KCNU1: variants seen among roughly 807,000 people sequenced by gnomAD.
The protein encoded by KCNU1 is potassium calcium-activated channel subfamily U member 1, also known as potassium channel subfamily U member 1.
In KCNU1, 93 loss-of-function variants were observed where a neutral mutation model predicts 126.8. The observed-to-expected ratio is 0.73, with a 90% CI of 0.62 to 0.87. The LOEUF (loss-of-function observed/expected upper bound fraction) is 0.87. Ranked by LOEUF, KCNU1 falls within the 40% of genes least tolerant of loss-of-function variation. The pLI, the probability that KCNU1 is intolerant of heterozygous loss-of-function variation, is 0.00. For synonymous variants in KCNU1, 523 were observed against 494.2 expected, an observed-to-expected ratio of 1.06 and a Z score of -0.77; for missense variants, 1,330 against 1,367.1, an observed-to-expected ratio of 0.97 and a Z score of 0.43.
chr8:36,796,430 A>G (rs1803102982), intron 2 of KCNU1, among the ~76,000 whole-genome samples: 1 of 152,202 alleles, frequency 6.6e-6, no homozygotes, highest in Admixed American at 6.5e-5. Context: ...TATTTGCTGA[A>G]TGATTGAAAG....
chr8:36,851,399 C>CTCTT (rs1417737586), intron 18 of KCNU1, among the ~76,000 whole-genome samples: 1 of 151,942 alleles, frequency 6.6e-6, no homozygotes, highest in African/African-American at 2.4e-5. Flanking sequence ...CTCTCTCTCT[C>CTCTT]TCTCTCTCTC....
chr8:36,801,459 C>T (rs1298220505), intron 2 of KCNU1, among the ~76,000 whole-genome samples: 1 of 151,096 alleles, frequency 6.6e-6, no homozygotes, highest in East Asian at 2.0e-4. Context: ...AATGTACTTA[C>T]ATGTTTCTGT....
intron 11 of KCNU1, among the ~76,000 whole-genome samples, chr8:36,834,345 T>C (rs1176984868): frequency 6.6e-6 from 1 of 152,204 alleles, no homozygotes; most frequent in East Asian, 1.9e-4. Flanking sequence ...TCTAGAACTT[T>C]GAAATTCACA....
In KCNU1 at chr8:36,859,888, A is replaced by G. The variant is rs80007813; in HGVS notation, c.1892-4516A>G. The stretch of plus-strand genomic sequence containing the variant: ...TACATAAAGAATATATAAATTGGTT[A>G]TATTAATATAAAAAGCATTAAGCCT... On this transcript the variant is annotated intron_variant, in intron 18 of 26. Transcript: ENST00000399881. Among the ~76,000 whole-genome samples the G allele has an allele frequency of 1.6e-3, 240 of 152,342 alleles. 3 individuals carry two copies. In the East Asian group the frequency reaches 0.034, roughly 22 times the overall value.
chr8:36,935,716 T>A lies in KCNU1; in HGVS notation c.3246T>A (p.Thr1082=), dbSNP rs373849614. The A allele has an allele frequency of 6.2e-6, 10 of 1,613,062 alleles. No homozygotes were observed. The highest frequency in any genetic ancestry group is 8.5e-6 in the Non-Finnish European group (10 of 1,179,136). ...GTCCTCCCACCATTGATTCAGTTAC[T>A]GAGACATTGTATTCACCAGTCTATT... The part of the protein sequence containing the change: ...TNCPPTIDSV[T]ETLYSPVYSY... Residue 1082 remains threonine, a synonymous_variant, in exon 27 of 27, where the codon ACT becomes ACA. Transcript: ENST00000399881.
At chr8:36,803,475 C>CACTG (rs1314579152) in intron 2 of KCNU1, among the ~76,000 whole-genome samples, 1 of 150,592 alleles carries the variant, frequency 6.6e-6, no homozygotes, top group Non-Finnish European at 1.5e-5. Flanking sequence ...TTTACAGAGG[C>CACTG]ACTGGCATGG....
intron 18 of KCNU1, among the ~76,000 whole-genome samples, chr8:36,846,222 T>C (rs1805139593): frequency 6.6e-6 from 1 of 152,242 alleles, no homozygotes. Context: ...CATTGCTTTT[T>C]CATGATTTCA....
Position 36,833,557 on chromosome 8 carries a change from C to A in KCNU1, c.1110C>A (p.Thr370=). The change falls in exon 11 of 27, where the codon ACC becomes ACA. Residue 370 remains threonine (T), a synonymous_variant. Coordinates refer to ENST00000399881, the MANE Select transcript of KCNU1 (RefSeq NM_001031836.3). The part of the protein sequence containing the change: ...INTEIVFLGE[T]PPSLELETIF... ...TGCCACGTTCTTTTTTGTCCAGAAC[C>A]CCTCCTTCTTTGGAACTTGAAACCA... 6.3e-7 allele frequency: 1 copy of A among 1,599,422 alleles called. No homozygotes were observed. Among genetic ancestry groups the A allele is most frequent in the Non-Finnish European group, 8.6e-7 (1 of 1,167,332 alleles).
chr8:36,865,204 T>C (rs1322762468), intron 19 of KCNU1, among the ~76,000 whole-genome samples: 1 of 152,110 alleles, frequency 6.6e-6, no homozygotes, highest in Non-Finnish European at 1.5e-5. Context: ...TTACATAATG[T>C]TATAAATATT....
At chr8:36,817,604 G>T in intron 9 of KCNU1, 46 bp from the exon 10 acceptor site, 2 of 921,110 alleles carry the variant, frequency 2.2e-6, no homozygotes, top group South Asian at 1.4e-5. Flanking sequence ...ACAGGAAGGT[G>T]CTTATGTGCC....
chr8:36,928,880 A>C, intron 24 of KCNU1: 1 of 600,104 alleles, frequency 1.7e-6, no homozygotes, highest in Non-Finnish European at 3.0e-6. Flanking sequence ...TCTGATTCCC[A>C]TTCCTGTCCA....
At chr8:36,903,645 C>T (rs1454545478) in intron 19 of KCNU1, among the ~76,000 whole-genome samples, 1 of 152,044 alleles carries the variant, frequency 6.6e-6, no homozygotes, top group Non-Finnish European at 1.5e-5. Flanking sequence ...CTTTTATATG[C>T]TGTTGTCAGA....
rs376340621 is a variant in KCNU1 at position 36,922,487 on chromosome 8, C to T, written c.2597-3C>T. ...TCTTTCCTTTTTGCCTCTTGCCTTG[C>T]AGAAAATCCTTCCAACATTCACTTT... is the stretch of plus-strand genomic sequence containing the variant. On this transcript the variant is annotated splice_polypyrimidine_tract_variant and splice_region_variant and intron_variant, in intron 23 of 26. Transcript: ENST00000399881. 3.0e-4 allele frequency: 488 copies of T among 1,608,624 alleles called. 2 individuals carry two copies. The highest frequency in any genetic ancestry group is 4.0e-4 in the Non-Finnish European group (466 of 1,178,096).
At chr8:36,903,423 A>G (rs1271448575) in intron 19 of KCNU1, among the ~76,000 whole-genome samples, 1 of 152,170 alleles carries the variant, frequency 6.6e-6, no homozygotes, top group Admixed American at 6.6e-5. Context: ...GAACATTGTT[A>G]TCAGTTACAT....
At chr8:36,917,552 C>G (rs143766922) in intron 22 of KCNU1, among the ~76,000 whole-genome samples, 1 of 151,474 alleles carries the variant, frequency 6.6e-6, no homozygotes, top group African/African-American at 2.4e-5. Context: ...GAACAGGTCT[C>G]TCTATGTTGC....
At chr8:36,864,629 C>T (rs1441708002) in intron 19 of KCNU1, 108 bp downstream of exon 19, 8 of 682,794 alleles carry the variant, frequency 1.2e-5, no homozygotes. Flanking sequence ...CTATACTGAC[C>T]AATGGAATTG....
chr8:36,802,341 G>A (rs910220124), intron 2 of KCNU1, among the ~76,000 whole-genome samples: 5 of 152,074 alleles, frequency 3.3e-5, no homozygotes, highest in African/African-American at 1.2e-4. Flanking sequence ...GCTGAATAGG[G>A]ACCACTCAGA....
At position 36,904,375 on chromosome 8, in the gene KCNU1, C is replaced by G. The variant is rs1807539948; in HGVS notation, c.2010-1333C>G. On this transcript the variant is annotated intron_variant, in intron 19 of 26. Transcript: ENST00000399881. ...CTGTCTCTTCTCACATTTCATTGGACAGAGCTAGTCACATGGCCCCACCTA... is the reference window on the plus strand; with the variant it reads ...CTGTCTCTTCTCACATTTCATTGGAGAGAGCTAGTCACATGGCCCCACCTA... Among the ~76,000 whole-genome samples the G allele has an allele frequency of 2.0e-5, 3 of 152,164 alleles. No homozygotes were observed. The South Asian group carries it at 6.2e-4, about 32-fold the overall frequency.
chr8:36,931,091 C>G lies in KCNU1; in HGVS notation c.2877C>G (p.Asn959Lys). 1 of 1,611,630 alleles carries G rather than the reference C, an allele frequency of 6.2e-7. No individual in the cohort carries two copies. Among genetic ancestry groups the G allele is most frequent in the East Asian group, 2.2e-5 (1 of 44,768 alleles). ...GCACGTCGCTCTTGTCTGGAAGAAA[C>G]CGGTGTAAGCTGGGGCTTCTGTCCT... ...DSCTSLLSGR[N>K]RCKLGLLSLH... The change falls in exon 25 of 27, where the codon AAC becomes AAG. Residue 959 changes from asparagine to lysine, a missense_variant. Transcript: ENST00000399881.
Sources: allele counts gnomAD v4.1 joint callset (sites outside exome capture counted in the v4.1 genomes callset), GRCh38; gene constraint gnomAD v4.1.1; transcripts MANE v1.5; gene names NCBI Gene and HGNC (gene_info 2026-07-23, HGNC 2026-07-21).